SORBS2: variants seen among roughly 807,000 people sequenced by gnomAD.
SORBS2 encodes the protein sorbin and SH3 domain-containing protein 2.
Under a neutral mutation model 97.7 loss-of-function variants are expected in SORBS2, and 46 were observed. The ratio of observed to expected loss-of-function variants is 0.47; its 90% confidence interval spans 0.37 to 0.60. SORBS2 has a LOEUF of 0.60. Among genes scored for constraint, SORBS2 ranks in the 20% least tolerant of loss-of-function variants. The pLI is 0.00. For missense variants in SORBS2, 1,316 were observed against 1,282.3 expected (o/e 1.03, Z -0.40); for synonymous variants, 476 against 473.4 (o/e 1.01, Z -0.07).
At chr4:185,722,958 C>T (rs2098527221) in intron 2 of SORBS2, among the ~76,000 whole-genome samples, 1 of 152,180 alleles carries the variant, frequency 6.6e-6, no homozygotes, top group African/African-American at 2.4e-5. Context: ...ATAAATCCCA[C>T]AGCCGATCTG....
intron 2 of SORBS2, among the ~76,000 whole-genome samples, chr4:185,711,461 G>T (rs1283746973): frequency 1.3e-5 from 2 of 152,220 alleles, no homozygotes; most frequent in Non-Finnish European, 2.9e-5. Flanking sequence ...TCTAACCAAT[G>T]CTTCAGTTCA....
At chr4:185,836,311 G>A (rs748790772) in intron 1 of SORBS2, among the ~76,000 whole-genome samples, 9 of 152,126 alleles carry the variant, frequency 5.9e-5, no homozygotes, top group Admixed American at 2.6e-4. Context: ...CCTTCCACAC[G>A]GCTTTACTTT....
intron 11 of SORBS2, 75 bp downstream of exon 23, chr4:185,614,756 A>G: frequency 6.5e-7 from 1 of 1,530,786 alleles, no homozygotes; most frequent in Non-Finnish European, 8.8e-7. Flanking sequence ...TTTAGTTTTG[A>G]AAATATACAG....
chr4:185,682,292 C>T (rs9994953), intron 2 of SORBS2, among the ~76,000 whole-genome samples: 15,189 of 152,222 alleles, frequency 0.1, 840 homozygotes, highest in African/African-American at 0.14. Context: ...CCCCATACTG[C>T]GGCATTCCTT....
At chr4:185,885,211 G>A (rs374085251) in intron 1 of SORBS2, among the ~76,000 whole-genome samples, 12 of 152,224 alleles carry the variant, frequency 7.9e-5, no homozygotes, top group Non-Finnish European at 1.6e-4. Flanking sequence ...CTGATGGCTC[G>A]TTGGGGATGG....
intron 2 of SORBS2, chr4:185,773,662 C>T (rs972907227): frequency 2.0e-5 from 3 of 152,272 alleles, no homozygotes; most frequent in African/African-American, 7.2e-5. Context: ...TCATTCTACT[C>T]CTAACCTTCA....
At chr4:185,716,380 G>C (rs1448099597) in intron 2 of SORBS2, among the ~76,000 whole-genome samples, 1 of 152,226 alleles carries the variant, frequency 6.6e-6, no homozygotes, top group Admixed American at 6.5e-5. Context: ...CTCCTGGGGT[G>C]GCTGAAGGAC....
chr4:185,638,180 G>C lies in SORBS2; in HGVS notation c.397-7582C>G. ...CGATCAGTCTAGAGCAGATGTGAAG[G>C]AAAAGGGAAGGAAAAGGCACACTGA... On this transcript the variant is annotated intron_variant, in intron 4 of 14. Coordinates refer to ENST00000418609, the Ensembl canonical transcript of SORBS2. The C allele has an allele frequency of 6.6e-7, 1 of 1,504,860 alleles. No homozygotes were observed. The highest frequency in any genetic ancestry group is 2.3e-5 in the East Asian group (1 of 44,350). The allele number at this position is 1,504,860 out of a possible 1,614,324, so 93.2% of individuals were successfully genotyped here.
rs565428139 is a variant in SORBS2, at chr4:185,692,759, T to C, written c.-197-13937A>G. On this transcript the variant is annotated intron_variant, in intron 2 of 20. Transcript: ENST00000284776. ...GCAAGATTTTATATATAGATATATA[T>C]GTATAGTGTAATCCTCGTTTTGCTA... 1.0e-3 allele frequency among the ~76,000 whole-genome samples: 156 copies of C among 151,954 alleles called. 1 individual carries two copies. Among genetic ancestry groups the C allele is most frequent in the African/African-American group, 3.7e-3 (154 of 41,436 alleles).
At chr4:185,807,258 G>C (rs570866111) in intron 1 of SORBS2, among the ~76,000 whole-genome samples, 9 of 152,008 alleles carry the variant, frequency 5.9e-5, no homozygotes, top group Non-Finnish European at 1.0e-4. Context: ...AGGCCTTTTT[G>C]TTTTCTTTCT....
chr4:185,611,860 T>C (rs1561399494), exon 12 of SORBS2: 3 of 1,614,092 alleles, frequency 1.9e-6, no homozygotes, highest in African/African-American at 2.7e-5. Context: ...TCAGCACCTT[T>C]TGTGTTCTTC....
In SORBS2 at chr4:185,762,082, G is replaced by A. The variant is rs555674810; in HGVS notation, c.-198+13145C>T. Among the ~76,000 whole-genome samples the A allele has an allele frequency of 7.2e-5, 11 of 152,318 alleles. No individual in the cohort carries two copies. The South Asian group carries it at 2.3e-3, about 32-fold the overall frequency. ...GTCAGGATACTACTGAGAAATCCTA[G>A]TCAAGGATGTTGCAATAGCCTGTGA... On this transcript the variant is annotated intron_variant, in intron 2 of 20. Transcript: ENST00000284776.
intron 4 of SORBS2, among the ~76,000 whole-genome samples, chr4:185,636,942 C>T (rs1192432195): frequency 1.3e-5 from 2 of 152,194 alleles, no homozygotes; most frequent in East Asian, 1.9e-4. Context: ...CCACCGTGCT[C>T]GGCCTCAAGT....
chr4:185,619,959 C>T, intron 8 of SORBS2, 104 bp downstream of exon 20: 1 of 775,640 alleles, frequency 1.3e-6, no homozygotes. Flanking sequence ...AGTATTTTCA[C>T]ATTTCCTGTC....
intron 11 of SORBS2, 139 bp from the exon 24 acceptor site, chr4:185,612,119 G>T (rs2096548062): frequency 1.6e-6 from 1 of 628,080 alleles, no homozygotes; most frequent in Non-Finnish European, 2.8e-6. Context: ...TCAGGGGAGG[G>T]CAAGTAAGGT....
At position 185,587,694 on chromosome 4, in the gene SORBS2, A is replaced by G; in HGVS notation, c.2954-6T>C. ...TTTGGTTCTTCTTGAGGTCCCTGAA[A>G]ATAGAAGCGAGTCATGAAAGGGGGG... is the stretch of plus-strand genomic sequence containing the variant. On this transcript the variant is annotated splice_polypyrimidine_tract_variant and splice_region_variant and intron_variant, in intron 14 of 14. Transcript: ENST00000418609. The G allele has an allele frequency of 6.2e-7, 1 of 1,611,106 alleles. No individual in the cohort carries two copies. The highest frequency in any genetic ancestry group is 8.5e-7 in the Non-Finnish European group (1 of 1,177,876).
At chr4:185,907,253 A>G (rs1186830352) in intron 1 of SORBS2, among the ~76,000 whole-genome samples, 1 of 152,176 alleles carries the variant, frequency 6.6e-6, no homozygotes, top group East Asian at 1.9e-4. Flanking sequence ...TGTTCGGCCA[A>G]ATTTCCTTGC....
chr4:185,766,909 T>C (rs2098937115), intron 2 of SORBS2, among the ~76,000 whole-genome samples: 1 of 152,232 alleles, frequency 6.6e-6, no homozygotes, highest in African/African-American at 2.4e-5. Context: ...ATAAATTTAT[T>C]TGAGAACAAG....
chr4:185,844,961 G>A (rs1325941740), intron 1 of SORBS2, among the ~76,000 whole-genome samples: 1 of 151,904 alleles, frequency 6.6e-6, no homozygotes, highest in African/African-American at 2.4e-5. Flanking sequence ...TGGCGAAAGA[G>A]AAGAATGGGG....
Sources: gnomAD v4.1 joint callset for allele counts (sites outside exome capture counted in the v4.1 genomes callset) on GRCh38, gnomAD v4.1.1 for gene constraint, MANE v1.5 for transcripts, NCBI Gene and HGNC (gene_info 2026-07-23, HGNC 2026-07-21) for gene names.